Variants in OR4N2 observed in about 807,000 individuals in gnomAD.
OR4N2 encodes the protein olfactory receptor 4N2.
For synonymous variants in OR4N2, 141 were observed against 140.4 expected (o/e 1.00, Z -0.03); for missense variants, 307 against 377.6 (o/e 0.81, Z 1.55).
Position 19,830,144 on chromosome 14 carries a change from G to A in OR4N2, c.*1772G>A, listed in dbSNP as rs112424787. ...CTCTCCTTTCCCTCACCTATAACAT[G>A]AACTTTGTCCTCCCTATTGGGTGTA... On this transcript the variant is annotated 3_prime_UTR_variant, in exon 2 of 2. Coordinates refer to ENST00000557677, the MANE Select transcript of OR4N2 (RefSeq NM_001004723.3). 0.11 allele frequency: 16,884 copies of A among 150,058 alleles called. 593 individuals are homozygous for A. Among genetic ancestry groups the A allele is most frequent in the South Asian group, 0.25 (1,180 of 4,654 alleles). 9.3% of individuals were successfully genotyped at this position (150,058 alleles called of 1,614,324 possible).
At chr14:19,812,520 G>T (rs1475105981) in intron 1 of OR4N2, among the ~76,000 whole-genome samples, 5 of 151,990 alleles carry the variant, frequency 3.3e-5, no homozygotes, top group Admixed American at 3.3e-4. Context: ...TTGTTTGTTT[G>T]TTTGTTTTTT....
intron 1 of OR4N2, among the ~76,000 whole-genome samples, chr14:19,811,324 G>C (rs1566463273): frequency 6.6e-6 from 1 of 152,222 alleles, no homozygotes; most frequent in Non-Finnish European, 1.5e-5. Context: ...TCGGCTCACT[G>C]CAAGTTCTGC....
At chr14:19,819,482 A>C (rs1041076423) in intron 1 of OR4N2, among the ~76,000 whole-genome samples, 5 of 152,200 alleles carry the variant, frequency 3.3e-5, no homozygotes, top group African/African-American at 1.2e-4. Flanking sequence ...CGATTTGGCT[A>C]TTGATACTTG....
intron 1 of OR4N2, among the ~76,000 whole-genome samples, chr14:19,820,696 A>G (rs1043040411): frequency 2.0e-5 from 3 of 152,254 alleles, no homozygotes; most frequent in African/African-American, 7.2e-5. Flanking sequence ...GGCTCTGCCC[A>G]GTTCAAACTT....
chr14:19,818,430 A>T (rs1223476540), intron 1 of OR4N2, among the ~76,000 whole-genome samples: 6 of 152,188 alleles, frequency 3.9e-5, no homozygotes, highest in Non-Finnish European at 5.9e-5. Context: ...CTTTACCATT[A>T]TGTAATGCCC....
intron 1 of OR4N2, among the ~76,000 whole-genome samples, chr14:19,822,713 C>G (rs1442223380): frequency 9.2e-5 from 14 of 152,230 alleles, no homozygotes; most frequent in African/African-American, 3.4e-4. Flanking sequence ...CTTTTAACAT[C>G]TAAATATTTT....
At chr14:19,807,597 C>G (rs563088797) in intron 1 of OR4N2, among the ~76,000 whole-genome samples, 1 of 151,976 alleles carries the variant, frequency 6.6e-6, no homozygotes, top group Non-Finnish European at 1.5e-5. Context: ...ATAAAAAAAG[C>G]CTATGAACCA....
At position 19,828,301 on chromosome 14, in the gene OR4N2, G is replaced by A. The variant is rs1366088311; in HGVS notation, c.853G>A (p.Val285Ile). 3 of 1,613,780 alleles carry A rather than the reference G, an allele frequency of 1.9e-6. No homozygotes were observed. The highest frequency in any genetic ancestry group is 4.5e-5 in the East Asian group (2 of 44,876). ...HTVIFPLLNP[V>I]IYTLRNQEVK... ...AGTGATTTTTCCTTTGTTGAATCCT[G>A]TCATTTATACCCTTCGCAACCAGGA... is the stretch of plus-strand genomic sequence containing the variant. The change falls in exon 2 of 2, where the codon GTC (valine) becomes ATC (isoleucine). Residue 285 changes from valine (V) to isoleucine (I), a missense_variant. Transcript: ENST00000557677.
chr14:19,818,396 T>C (rs1879480735), intron 1 of OR4N2, among the ~76,000 whole-genome samples: 1 of 152,220 alleles, frequency 6.6e-6, no homozygotes, highest in South Asian at 2.1e-4. Context: ...TTGGGATAGT[T>C]AGCTTTTCTT....
Position 19,828,213 on chromosome 14 carries a change from C to A in OR4N2, c.765C>A (p.Ile255=), listed in dbSNP as rs747731657. ...IVIFFMFGPG[I]FIYTRPFRAF... ...TATTCTTCATGTTTGGACCTGGCAT[C>A]TTCATCTACACGCGCCCCTTCAGGG... Residue 255 remains isoleucine (I), a synonymous_variant, in exon 2 of 2, where the codon ATC becomes ATA. Transcript: ENST00000557677. 2.5e-6 allele frequency: 4 copies of A among 1,614,268 alleles called. No homozygotes were observed. In the Admixed American group the frequency reaches 5.0e-5, roughly 20 times the overall value.
intron 1 of OR4N2, among the ~76,000 whole-genome samples, chr14:19,819,039 G>T (rs1314548006): frequency 2.0e-5 from 3 of 152,222 alleles, no homozygotes; most frequent in African/African-American, 7.2e-5. Flanking sequence ...TAGGGTTTCT[G>T]CAGAGAGATC....
intron 1 of OR4N2, among the ~76,000 whole-genome samples, chr14:19,823,983 T>C (rs1039071253): frequency 5.3e-5 from 8 of 152,346 alleles, no homozygotes; most frequent in African/African-American, 1.9e-4. Flanking sequence ...GTCTCCACCC[T>C]GCAAATGTGG....
intron 1 of OR4N2, chr14:19,821,970 T>C (rs1215814156): frequency 1.3e-5 from 2 of 152,224 alleles, no homozygotes; most frequent in Non-Finnish European, 2.9e-5. Context: ...TAACATAAGA[T>C]CCCTGAAGGC....
chr14:19,823,797 GA>G (rs201315309), intron 1 of OR4N2, among the ~76,000 whole-genome samples: 72 of 136,252 alleles, frequency 5.3e-4, no homozygotes, highest in East Asian at 2.3e-3. Flanking sequence ...ATCACAACCA[GA>G]AAAAAAAAAA....
At chr14:19,807,527 T>G (rs1686568) in intron 1 of OR4N2, among the ~76,000 whole-genome samples, 12,590 of 149,324 alleles carry the variant, frequency 0.084, 106 homozygotes, top group East Asian at 0.18. Context: ...CAAGATTGAA[T>G]CCCTGGAAGA....
intron 1 of OR4N2, among the ~76,000 whole-genome samples, chr14:19,804,468 T>G (rs1400480158): frequency 6.6e-6 from 1 of 152,242 alleles, no homozygotes; most frequent in African/African-American, 2.4e-5. Flanking sequence ...TACCCAAAAG[T>G]CATTCAGGAG....
chr14:19,812,661 T>G (rs1213564719), intron 1 of OR4N2, among the ~76,000 whole-genome samples: 3 of 152,216 alleles, frequency 2.0e-5, no homozygotes, highest in Admixed American at 2.0e-4. Flanking sequence ...CCCAGCCATT[T>G]TTTGACTTTT....
At chr14:19,824,618 A>T (rs10150233) in intron 1 of OR4N2, among the ~76,000 whole-genome samples, 98,848 of 150,756 alleles carry the variant, frequency 0.66, 27,878 homozygotes, top group Non-Finnish European at 0.7. Context: ...CACCTCTGCC[A>T]CCCCTGACAC....
intron 1 of OR4N2, among the ~76,000 whole-genome samples, chr14:19,809,762 A>G (rs1879251690): frequency 6.6e-6 from 1 of 152,260 alleles, no homozygotes; most frequent in Admixed American, 6.5e-5. Context: ...AGGACTTTCT[A>G]TTCAATAAAT....
Sources: allele counts gnomAD v4.1 joint callset (sites outside exome capture counted in the v4.1 genomes callset), GRCh38; gene constraint gnomAD v4.1.1; transcripts MANE v1.5; gene names NCBI Gene and HGNC (gene_info 2026-07-23, HGNC 2026-07-21).